MACO1: variants seen among roughly 807,000 people sequenced by gnomAD.
The protein encoded by MACO1 is macoilin.
In MACO1, 14 loss-of-function variants were observed where a neutral mutation model predicts 78.7. The observed-to-expected ratio is 0.18, with a 90% CI of 0.12 to 0.28. The LOEUF (loss-of-function observed/expected upper bound fraction) is 0.28. Ranked by LOEUF, MACO1 falls within the 10% of genes least tolerant of loss-of-function variation. MACO1 has a pLI of 1.00. For synonymous variants in MACO1, 288 were observed against 291.6 expected, an observed-to-expected ratio of 0.99 and a Z score of 0.12; for missense variants, 501 against 799.0, an observed-to-expected ratio of 0.63 and a Z score of 4.50.
At chr1:25,477,407 G>T (rs2043329983) in intron 6 of MACO1, among the ~76,000 whole-genome samples, 1 of 152,198 alleles carries the variant, frequency 6.6e-6, no homozygotes, top group African/African-American at 2.4e-5. Flanking sequence ...ATAATTTGGA[G>T]ATGACTTTTT....
chr1:25,499,833 G>A lies in MACO1; in HGVS notation c.*1367G>A, dbSNP rs1302934258. 1 of 152,242 alleles carries A rather than the reference G, an allele frequency of 6.6e-6. No homozygotes were observed. Among genetic ancestry groups the A allele is most frequent in the East Asian group, 1.9e-4 (1 of 5,192 alleles). 9.4% of individuals were successfully genotyped at this position (152,242 alleles called of 1,614,324 possible). Reference sequence around the variant, plus strand: ...TCTAAAATTTCCTGTTAATTGGCATGTACGTCTCATTTAAAGCAAATTAAG... The same window carrying A: ...TCTAAAATTTCCTGTTAATTGGCATATACGTCTCATTTAAAGCAAATTAAG... On this transcript the variant is annotated 3_prime_UTR_variant, in exon 11 of 11. Transcript: ENST00000374343.
intron 9 of MACO1, among the ~76,000 whole-genome samples, chr1:25,489,999 A>T (rs1449151920): frequency 1.3e-5 from 2 of 152,224 alleles, no homozygotes; most frequent in African/African-American, 4.8e-5. Context: ...AAAAAATTAG[A>T]AACTCATCTC....
At position 25,458,488 on chromosome 1, in the gene MACO1, A is replaced by T; in HGVS notation, c.750A>T (p.Ile250=). The change falls in exon 6 of 11, where the codon ATA becomes ATT. Residue 250 remains isoleucine (I), a synonymous_variant. Transcript: ENST00000374343. ...AACTCTCCACAACTTTGCCAGAGAT[A>T]GAATACCGAGAAAAAGGGAAAGAAA... ...NKKLSTTLPE[I]EYREKGKEKD... is the part of the protein sequence containing the mutation. 6.2e-7 allele frequency: 1 copy of T among 1,614,114 alleles called. No homozygotes were observed. Among genetic ancestry groups the T allele is most frequent in the South Asian group, 1.1e-5 (1 of 91,084 alleles).
intron 5 of MACO1, among the ~76,000 whole-genome samples, chr1:25,457,053 A>G (rs2043127886): frequency 6.6e-6 from 1 of 151,596 alleles, no homozygotes; most frequent in African/African-American, 2.4e-5. Flanking sequence ...TTATTTTATT[A>G]TTTTAAAATA....
intron 8 of MACO1, among the ~76,000 whole-genome samples, chr1:25,486,993 T>C (rs1325466903): frequency 6.6e-6 from 1 of 152,136 alleles, no homozygotes; most frequent in Non-Finnish European, 1.5e-5. Flanking sequence ...TTCTGAAAAA[T>C]TCCACTCAGG....
At chr1:25,488,892 G>A (rs2043458784) in intron 8 of MACO1, among the ~76,000 whole-genome samples, 1 of 151,890 alleles carries the variant, frequency 6.6e-6, no homozygotes, top group Non-Finnish European at 1.5e-5. Context: ...ATCTGGACTC[G>A]CTGCAACCTC....
At chr1:25,441,689 G>A (rs2042974375) in intron 1 of MACO1, among the ~76,000 whole-genome samples, 1 of 152,202 alleles carries the variant, frequency 6.6e-6, no homozygotes, top group Non-Finnish European at 1.5e-5. Context: ...ACGTGAATAT[G>A]TAATGGGGTC....
chr1:25,462,541 T>A (rs2043180817), intron 6 of MACO1, among the ~76,000 whole-genome samples: 1 of 152,206 alleles, frequency 6.6e-6, no homozygotes, highest in Non-Finnish European at 1.5e-5. Context: ...TTTCTAAGTG[T>A]TGAAGACAAA....
At chr1:25,449,157 C>A (rs1245821499) in intron 3 of MACO1, among the ~76,000 whole-genome samples, 2 of 151,780 alleles carry the variant, frequency 1.3e-5, no homozygotes, top group African/African-American at 4.8e-5. Flanking sequence ...ACAGGCATTG[C>A]AGGTACCAGC....
At chr1:25,431,223 C>G (rs2042862508) in intron 1 of MACO1, 45 bp downstream of exon 1, 10 of 1,486,084 alleles carry the variant, frequency 6.7e-6, no homozygotes, top group Admixed American at 6.0e-5. Flanking sequence ...CCCTGCGGTC[C>G]CCCTCCAGCT....
intron 8 of MACO1, among the ~76,000 whole-genome samples, chr1:25,487,214 C>T (rs557205989): frequency 2.6e-5 from 4 of 152,140 alleles, no homozygotes; most frequent in African/African-American, 9.6e-5. Context: ...AGTGCAGTGG[C>T]GCGATCTCAG....
chr1:25,430,984 G>C lies in MACO1; in HGVS notation c.-115G>C. On this transcript the variant is annotated 5_prime_UTR_variant, in exon 1 of 11. Coordinates refer to ENST00000374343, the MANE Select transcript of MACO1 (RefSeq NM_018202.6). The stretch of plus-strand genomic sequence containing the variant: ...CCCCCCGGGTGCTGGCTCCATGTCT[G>C]TGTGACCGGCCTCAGGGGTAGAGTC... 1 of 644,666 alleles carries C rather than the reference G, an allele frequency of 1.6e-6. No homozygotes were observed. Among genetic ancestry groups the C allele is most frequent in the Non-Finnish European group, 2.4e-6 (1 of 408,222 alleles). 39.9% of individuals were successfully genotyped at this position (644,666 alleles called of 1,614,324 possible).
chr1:25,455,325 A>C (rs559039868), intron 4 of MACO1, among the ~76,000 whole-genome samples: 1 of 152,162 alleles, frequency 6.6e-6, no homozygotes, highest in African/African-American at 2.4e-5. Flanking sequence ...ATTTAGATCT[A>C]TTGTGGAACT....
Position 25,485,868 on chromosome 1 carries a change from G to A in MACO1, c.1496+73G>A, listed in dbSNP as rs1364320251. On this transcript the variant is annotated intron_variant, in intron 8 of 10. Coordinates refer to ENST00000374343, the MANE Select transcript of MACO1 (RefSeq NM_018202.6). The surrounding 1 kb of genome is among the most constrained non-coding windows in gnomAD (Gnocchi z 4.3). The stretch of plus-strand genomic sequence containing the variant: ...ACCAACAAAGACATGGGAATTTGGT[G>A]CCTTGGGCAGGATTGGACGTACAGC... The A allele has an allele frequency of 1.3e-6, 2 of 1,509,720 alleles. No homozygotes were observed. The highest frequency in any genetic ancestry group is 2.8e-5 in the African/African-American group (2 of 71,716). The allele number at this position is 1,509,720 out of a possible 1,614,324, so 93.5% of individuals were successfully genotyped here. A position where few individuals can be genotyped will look rare whatever the true frequency, so the allele number is the denominator to read the frequency against.
chr1:25,487,639 A>G (rs1283157750), intron 8 of MACO1, among the ~76,000 whole-genome samples: 1 of 152,190 alleles, frequency 6.6e-6, no homozygotes, highest in Non-Finnish European at 1.5e-5. Flanking sequence ...GCAGCTCAAC[A>G]GTGTGCCCTT....
At chr1:25,465,546 T>G (rs1482306618) in intron 6 of MACO1, among the ~76,000 whole-genome samples, 1 of 152,248 alleles carries the variant, frequency 6.6e-6, no homozygotes, top group African/African-American at 2.4e-5. Flanking sequence ...ACATATGATA[T>G]GATGTTACAT....
intron 6 of MACO1, among the ~76,000 whole-genome samples, chr1:25,460,552 A>C (rs1308658263): frequency 2.0e-5 from 3 of 152,032 alleles, no homozygotes; most frequent in Non-Finnish European, 4.4e-5. Context: ...CTACAGGCGC[A>C]TGCCACTATG....
At chr1:25,440,296 G>C (rs2042959002) in intron 1 of MACO1, among the ~76,000 whole-genome samples, 1 of 150,998 alleles carries the variant, frequency 6.6e-6, no homozygotes, top group African/African-American at 2.4e-5. Flanking sequence ...TTACTCTGGA[G>C]GCTGAGATAG....
chr1:25,458,928 C>A (rs1272546554), intron 6 of MACO1, 36 bp downstream of exon 6: 1 of 1,579,274 alleles, frequency 6.3e-7, no homozygotes, highest in Non-Finnish European at 8.6e-7. Context: ...TAACACTTTC[C>A]AGTAAACTTG....
Sources: gnomAD v4.1 joint callset for allele counts (sites outside exome capture counted in the v4.1 genomes callset) on GRCh38, gnomAD v4.1.1 for gene constraint, Gnocchi (gnomAD v3.1) non-coding constraint, MANE v1.5 for transcripts, NCBI Gene and HGNC (gene_info 2026-07-23, HGNC 2026-07-21) for gene names.